The following SH3RF3 variants were observed in gnomAD, a reference collection of about 807,000 sequenced individuals.
SH3RF3 encodes SH3 domain containing ring finger 3, also known as E3 ubiquitin-protein ligase SH3RF3.
Under a neutral mutation model 66.3 loss-of-function variants are expected in SH3RF3, and 29 were observed. The ratio of observed to expected loss-of-function variants is 0.44; its 90% CI spans 0.33 to 0.60. The LOEUF is 0.60. Ranked by LOEUF, SH3RF3 falls within the 20% of genes least tolerant of loss-of-function variation. The probability of loss-of-function intolerance (pLI) is 0.04; values close to 1 mark genes in which losing one functional copy is unlikely to be tolerated. For synonymous variants in SH3RF3, 583 were observed against 532.0 expected, an observed-to-expected ratio of 1.10 and a Z score of -1.32; for missense variants, 1,194 against 1,190.9, an observed-to-expected ratio of 1.00 and a Z score of -0.04.
intron 1 of SH3RF3, among the ~76,000 whole-genome samples, chr2:109,229,458 G>T (rs1320403850): frequency 6.6e-6 from 1 of 152,164 alleles, no homozygotes; most frequent in Non-Finnish European, 1.5e-5. Flanking sequence ...GGACTCCTCT[G>T]GCTATGACAG....
intron 1 of SH3RF3, among the ~76,000 whole-genome samples, chr2:109,294,526 A>G (rs998703487): frequency 2.0e-5 from 3 of 149,502 alleles, no homozygotes; most frequent in Non-Finnish European, 4.4e-5. Context: ...ACACCACTAC[A>G]CTCCAGCTTG....
At chr2:109,211,845 G>A (rs1678989374) in intron 1 of SH3RF3, among the ~76,000 whole-genome samples, 1 of 152,150 alleles carries the variant, frequency 6.6e-6, no homozygotes, top group African/African-American at 2.4e-5. Context: ...GTTTCCCCAT[G>A]TTGGCCAGGC....
At chr2:109,423,338 G>A (rs1676932874) in intron 5 of SH3RF3, among the ~76,000 whole-genome samples, 2 of 152,124 alleles carry the variant, frequency 1.3e-5, no homozygotes, top group Admixed American at 1.3e-4. Flanking sequence ...TGTCATGGCA[G>A]GGATGACCTC....
intron 4 of SH3RF3, among the ~76,000 whole-genome samples, chr2:109,400,396 GCACATATA>G (rs1194801104): frequency 1.3e-5 from 2 of 151,842 alleles, no homozygotes; most frequent in South Asian, 2.1e-4. Context: ...ACACATGCAC[GCACATATA>G]CACATATACA....
intron 5 of SH3RF3, among the ~76,000 whole-genome samples, chr2:109,425,880 A>C (rs184034066): frequency 6.6e-6 from 1 of 152,164 alleles, no homozygotes; most frequent in East Asian, 1.9e-4. Flanking sequence ...TTAAAAGTAC[A>C]TCTTTTTCTT....
chr2:109,168,632 C>G (rs1435209314), intron 1 of SH3RF3, among the ~76,000 whole-genome samples: 1 of 151,556 alleles, frequency 6.6e-6, no homozygotes, highest in Non-Finnish European at 1.5e-5. Flanking sequence ...TCTTACAAAT[C>G]GATGCCATGG....
intron 9 of SH3RF3, among the ~76,000 whole-genome samples, chr2:109,497,263 A>G (rs1281334238): frequency 6.6e-6 from 1 of 152,214 alleles, no homozygotes; most frequent in South Asian, 2.1e-4. Flanking sequence ...CTCTGTTACC[A>G]GCACATTCCA....
intron 1 of SH3RF3, among the ~76,000 whole-genome samples, chr2:109,227,896 T>C (rs1679409355): frequency 6.6e-6 from 1 of 152,254 alleles, no homozygotes; most frequent in African/African-American, 2.4e-5. Flanking sequence ...CAGTTCCCTG[T>C]AGGCTTCATG....
intron 8 of SH3RF3, among the ~76,000 whole-genome samples, chr2:109,484,067 C>CTT (rs562496561): frequency 4.2e-5 from 4 of 94,328 alleles, no homozygotes; most frequent in Non-Finnish European, 6.4e-5. Context: ...TCTGGCCTTT[C>CTT]TTTTTTTTTT....
In SH3RF3 at chr2:109,406,000, C is replaced by T. The variant is rs185762038; in HGVS notation, c.1299+7057C>T. ...GTGGCCTTCCCCAACTCCCGCAGGCCCGGCTGCACATCGATGGCTGGGGAG... is the reference window on the plus strand; with the variant it reads ...GTGGCCTTCCCCAACTCCCGCAGGCTCGGCTGCACATCGATGGCTGGGGAG... On this transcript the variant is annotated intron_variant, in intron 4 of 9. Coordinates refer to ENST00000309415, the MANE Select transcript of SH3RF3 (RefSeq NM_001099289.3). Among the ~76,000 whole-genome samples the T allele has an allele frequency of 3.3e-3, 504 of 152,306 alleles. 1 individual carries two copies. Among genetic ancestry groups the T allele is most frequent in the African/African-American group, 0.012 (481 of 41,564 alleles).
intron 1 of SH3RF3, among the ~76,000 whole-genome samples, chr2:109,250,629 C>T (rs1256235135): frequency 5.3e-5 from 8 of 151,736 alleles, no homozygotes; most frequent in South Asian, 4.2e-4. Flanking sequence ...TGGTATGTTT[C>T]CTGGGCTAAA....
intron 1 of SH3RF3, among the ~76,000 whole-genome samples, chr2:109,249,647 C>CTCTTTCTT (rs749986705): frequency 3.1e-4 from 40 of 130,864 alleles, no homozygotes; most frequent in African/African-American, 1.1e-3. Flanking sequence ...CTCTGTTTCT[C>CTCTTTCTT]TCTTTCTTTC....
chr2:109,199,358 T>C (rs1011093468), intron 1 of SH3RF3, among the ~76,000 whole-genome samples: 1 of 2,528 alleles, frequency 4.0e-4, no homozygotes, highest in Non-Finnish European at 1.7e-3. Context: ...TGGAATGGAA[T>C]GGAATGGAAT....
chr2:109,225,065 C>T (rs536390283), intron 1 of SH3RF3, among the ~76,000 whole-genome samples: 2 of 152,174 alleles, frequency 1.3e-5, no homozygotes, highest in African/African-American at 4.8e-5. Flanking sequence ...TGACACCTGG[C>T]CTGGAGCCTT....
At chr2:109,170,320 TCTC>T (rs747086527) in intron 1 of SH3RF3, among the ~76,000 whole-genome samples, 1 of 133,298 alleles carries the variant, frequency 7.5e-6, no homozygotes, top group Non-Finnish European at 1.6e-5. Flanking sequence ...TTCTCTCCTC[TCTC>T]TCTCTCCTCT....
chr2:109,490,918 A>G lies in SH3RF3; in HGVS notation c.2462A>G (p.Lys821Arg), dbSNP rs1336235522. ...ATGGCTGCCATCCGCCCCGAGCCCA[A>G]GCTGTTGCCCAGAGAGAGGTAAGTG... is the stretch of plus-strand genomic sequence containing the variant. ...LSMAAIRPEP[K>R]LLPRERYRVV... The change falls in exon 9 of 10, where the codon AAG becomes AGG. Residue 821 changes from lysine to arginine, a missense_variant. Coordinates refer to ENST00000309415, the MANE Select transcript of SH3RF3 (RefSeq NM_001099289.3). 4.6e-5 allele frequency: 69 copies of G among 1,506,162 alleles called. No homozygotes were observed. The highest frequency in any genetic ancestry group is 5.8e-5 in the Non-Finnish European group (65 of 1,127,464). 93.3% of individuals were successfully genotyped at this position (1,506,162 alleles called of 1,614,324 possible).
At chr2:109,446,586 T>C (rs1187187738) in intron 7 of SH3RF3, among the ~76,000 whole-genome samples, 1 of 152,198 alleles carries the variant, frequency 6.6e-6, no homozygotes, top group African/African-American at 2.4e-5. Flanking sequence ...ATCTGAGCCT[T>C]CCAGGCACCC....
intron 1 of SH3RF3, among the ~76,000 whole-genome samples, chr2:109,222,063 C>A (rs1052614010): frequency 6.6e-6 from 1 of 151,754 alleles, no homozygotes; most frequent in Non-Finnish European, 1.5e-5. Flanking sequence ...GATGAAACTG[C>A]AGGTGGTTAT....
chr2:109,218,543 C>G (rs766997491), intron 1 of SH3RF3, among the ~76,000 whole-genome samples: 3 of 152,140 alleles, frequency 2.0e-5, no homozygotes, highest in African/African-American at 4.8e-5. Context: ...TGCCTTCTGA[C>G]CACAAAATCA....
Sources: gnomAD v4.1 joint callset for allele counts (sites outside exome capture counted in the v4.1 genomes callset) on GRCh38, gnomAD v4.1.1 for gene constraint, MANE v1.5 for transcripts, NCBI Gene and HGNC (gene_info 2026-07-23, HGNC 2026-07-21) for gene names.